PHAF1: variants seen among roughly 807,000 people sequenced by gnomAD.
PHAF1 encodes the protein phagophore assembly factor 1, also known as phagosome assembly factor 1.
PHAF1 carries 23 observed loss-of-function variants against 63.1 expected under a neutral mutation model. The observed-to-expected ratio is 0.36, with a 90% CI of 0.26 to 0.52. PHAF1 has a LOEUF of 0.52. Among genes scored for constraint, PHAF1 ranks in the 20% least tolerant of loss-of-function variants. The pLI is 0.93. For synonymous variants in PHAF1, 167 were observed against 185.0 expected (o/e 0.90, Z 0.79); for missense variants, 427 against 517.2 (o/e 0.83, Z 1.69).
At chr16:67,134,753 C>T (rs1190299739) in intron 8 of PHAF1, 11 of 528,554 alleles carry the variant, frequency 2.1e-5, no homozygotes, top group Non-Finnish European at 4.0e-5. Flanking sequence ...TAGTTAACTC[C>T]CTGGAGTCTG....
At position 67,145,559 on chromosome 16, in the gene PHAF1, C is replaced by T; in HGVS notation, c.1051-11C>T. ...CCTACTAACCCCTGCTCCCCTCTAT[C>T]CCTCTTGCAGTGGGACAACATCCAG... is the stretch of plus-strand genomic sequence containing the variant. On this transcript the variant is annotated splice_polypyrimidine_tract_variant and intron_variant, in intron 13 of 15. Coordinates refer to ENST00000219139, the MANE Select transcript of PHAF1 (RefSeq NM_025187.5). 1 of 1,614,110 alleles carries T rather than the reference C, an allele frequency of 6.2e-7. No individual in the cohort carries two copies. Among genetic ancestry groups the T allele is most frequent in the Non-Finnish European group, 8.5e-7 (1 of 1,179,988 alleles).
chr16:67,128,262 TG>T (rs1963264737), intron 3 of PHAF1, among the ~76,000 whole-genome samples: 1 of 152,062 alleles, frequency 6.6e-6, no homozygotes, highest in South Asian at 2.1e-4. Flanking sequence ...GCTGAAGAAA[TG>T]TACAGAAATA....
chr16:67,130,299 G>A (rs1333134544), intron 3 of PHAF1, among the ~76,000 whole-genome samples: 6 of 150,362 alleles, frequency 4.0e-5, no homozygotes, highest in South Asian at 4.2e-4. Context: ...CGCCCGCCTC[G>A]GCCTCCCAAA....
intron 12 of PHAF1, 53 bp from the exon 13 acceptor site, chr16:67,145,323 C>A: frequency 6.2e-7 from 1 of 1,605,640 alleles, no homozygotes; most frequent in Non-Finnish European, 8.5e-7. Flanking sequence ...AGGGCTGGGG[C>A]CACAGGTAGG....
At chr16:67,142,160 A>G (rs1389371332) in intron 10 of PHAF1, among the ~76,000 whole-genome samples, 1 of 152,196 alleles carries the variant, frequency 6.6e-6, no homozygotes, top group Non-Finnish European at 1.5e-5. Context: ...CATAGTGGGT[A>G]GCTTCTTTCT....
At chr16:67,133,409 C>G (rs1435457081) in intron 6 of PHAF1, among the ~76,000 whole-genome samples, 1 of 151,318 alleles carries the variant, frequency 6.6e-6, no homozygotes, top group African/African-American at 2.4e-5. Context: ...AATCCCAGCA[C>G]TTTGGGAGGC....
intron 8 of PHAF1, chr16:67,134,875 T>C (rs532286049): frequency 8.3e-6 from 3 of 359,374 alleles, no homozygotes; most frequent in Admixed American, 3.8e-5. Flanking sequence ...TTTCAACATA[T>C]GAATTTTAGG....
intron 8 of PHAF1, 146 bp downstream of exon 8, chr16:67,134,613 A>G (rs1963541231): frequency 1.3e-6 from 1 of 785,050 alleles, no homozygotes; most frequent in Non-Finnish European, 2.2e-6. Flanking sequence ...AACAACAAAA[A>G]TTTATTTCTT....
At position 67,131,344 on chromosome 16, in the gene PHAF1, C is replaced by T; in HGVS notation, c.275+15C>T. Reference sequence around the variant, plus strand: ...TTAAAATATTGGTAAGTTTTCTCCCCTGCTGGTATATGTCACACTTGGTAT... The same window carrying T: ...TTAAAATATTGGTAAGTTTTCTCCCTTGCTGGTATATGTCACACTTGGTAT... On this transcript the variant is annotated intron_variant, in intron 4 of 15. Coordinates refer to ENST00000219139, the MANE Select transcript of PHAF1 (RefSeq NM_025187.5). 1.3e-6 allele frequency: 2 copies of T among 1,563,852 alleles called. No homozygotes were observed. The highest frequency in any genetic ancestry group is 1.7e-6 in the Non-Finnish European group (2 of 1,144,976).
rs775461967 is a variant in PHAF1, at chr16:67,130,777, G to A, written c.232-509G>A. 2.0e-5 allele frequency among the ~76,000 whole-genome samples: 3 copies of A among 152,320 alleles called. No homozygotes were observed. The Middle Eastern group carries it at 0.01, about 522-fold the overall frequency. ...CTTCATGTCTGTGGAAGAGATCATT[G>A]TCCTATAGGGTGGTGTGTGCTCCAG... On this transcript the variant is annotated intron_variant, in intron 3 of 15. Transcript: ENST00000219139.
chr16:67,143,191 G>C (rs530696482), intron 10 of PHAF1, among the ~76,000 whole-genome samples: 1 of 152,180 alleles, frequency 6.6e-6, no homozygotes, highest in African/African-American at 2.4e-5. Context: ...AGCCAGGAGG[G>C]TCTGATGGAT....
intron 8 of PHAF1, among the ~76,000 whole-genome samples, chr16:67,136,554 CTTTTTTTTTT>C (rs34174571): frequency 2.0e-4 from 12 of 60,462 alleles, no homozygotes; most frequent in Admixed American, 3.5e-4. Context: ...GCATTGATTC[CTTTTTTTTTT>C]TTTTTTTTTT....
chr16:67,141,212 C>G lies in PHAF1; in HGVS notation c.879+618C>G, dbSNP rs1963796772. 1.3e-5 allele frequency among the ~76,000 whole-genome samples: 2 copies of G among 152,162 alleles called. 1 individual carries two copies. Among genetic ancestry groups the G allele is most frequent in the Admixed American group, 1.3e-4 (2 of 15,284 alleles). Reference sequence around the variant, plus strand: ...TCTACGGTCTGAGGTCCTGAGGTAGCAAACAGTAGATTTCACAGAGGGAGT... The same window carrying G: ...TCTACGGTCTGAGGTCCTGAGGTAGGAAACAGTAGATTTCACAGAGGGAGT... On this transcript the variant is annotated intron_variant, in intron 10 of 15. Coordinates refer to ENST00000219139, the MANE Select transcript of PHAF1 (RefSeq NM_025187.5).
chr16:67,127,837 A>T (rs1963249877), intron 3 of PHAF1, among the ~76,000 whole-genome samples: 1 of 152,154 alleles, frequency 6.6e-6, no homozygotes, highest in Non-Finnish European at 1.5e-5. Context: ...GTAACATGGA[A>T]ATTTCTTTAC....
chr16:67,141,082 G>A (rs1963791215), intron 10 of PHAF1, among the ~76,000 whole-genome samples: 1 of 152,244 alleles, frequency 6.6e-6, no homozygotes. Flanking sequence ...CAGCTGGTGG[G>A]TGAGTTGCAT....
intron 3 of PHAF1, among the ~76,000 whole-genome samples, chr16:67,129,905 A>G (rs551855502): frequency 3.3e-5 from 5 of 152,292 alleles, no homozygotes; most frequent in South Asian, 4.1e-4. Flanking sequence ...TCTTGTTTCA[A>G]CCAGATCCTC....
rs2030056318 is a variant in PHAF1, at chr16:67,146,265, T to A, written c.1110-13T>A. 1 of 1,611,554 alleles carries A rather than the reference T, an allele frequency of 6.2e-7. No individual in the cohort carries two copies. The highest frequency in any genetic ancestry group is 1.1e-5 in the South Asian group (1 of 91,004). ...TCTGTCTGCCTCTCTAATTCTGAAT[T>A]CTTTGGCCTCAGGTCTTCCTCCCCA... On this transcript the variant is annotated splice_polypyrimidine_tract_variant and intron_variant, in intron 14 of 15. Transcript: ENST00000219139.
intron 3 of PHAF1, among the ~76,000 whole-genome samples, chr16:67,130,295 C>T (rs1442746490): frequency 2.6e-5 from 4 of 151,674 alleles, no homozygotes; most frequent in African/African-American, 7.3e-5. Context: ...GATCCGCCCG[C>T]CTCGGCCTCC....
intron 2 of PHAF1, among the ~76,000 whole-genome samples, chr16:67,123,078 T>C (rs1193251621): frequency 6.7e-6 from 1 of 149,756 alleles, no homozygotes; most frequent in African/African-American, 2.5e-5. Flanking sequence ...CTCAGAACTC[T>C]GATCTGATGC....
Sources: allele counts gnomAD v4.1 joint callset (sites outside exome capture counted in the v4.1 genomes callset), GRCh38; gene constraint gnomAD v4.1.1; transcripts MANE v1.5; gene names NCBI Gene and HGNC (gene_info 2026-07-23, HGNC 2026-07-21).